Variants in SLC25A43 observed in about 807,000 individuals in gnomAD.
SLC25A43 encodes the protein solute carrier family 25, member 43.
A neutral mutation model predicts 22.8 loss-of-function variants in SLC25A43; 10 were observed. The observed-to-expected ratio is 0.44, with a 90% CI of 0.27 to 0.74. The LOEUF (loss-of-function observed/expected upper bound fraction) is 0.74, where lower values mean the gene tolerates loss of function less well. Ranked by LOEUF, SLC25A43 falls within the 30% of genes least tolerant of loss-of-function variation. The pLI is 0.17. For synonymous variants in SLC25A43, 106 were observed against 121.6 expected (o/e 0.87, Z 0.84); for missense variants, 233 against 279.1 (o/e 0.83, Z 1.18).
chrX:119,405,726 T>C (rs1033401532), intron 1 of SLC25A43, among the ~76,000 whole-genome samples: 1 of 109,674 alleles, frequency 9.1e-6, no homozygotes, highest in Non-Finnish European at 1.9e-5. Flanking sequence ...GCCCAGATCA[T>C]GCCACTGTAC....
Position 119,431,150 on chromosome X carries a change from T to C in SLC25A43, c.690+20788T>C, listed in dbSNP as rs1322743936. ...CTCACCAACTCCATTTTGTCATCCA[T>C]ATAATCAAGCTAATACGATAATACT... On this transcript the variant is annotated intron_variant, in intron 3 of 4. Transcript: ENST00000217909. Among the ~76,000 whole-genome samples, 4 of 112,192 alleles carry C rather than the reference T, an allele frequency of 3.6e-5. No individual in the cohort carries two copies. In the Admixed American group the frequency reaches 3.8e-4, roughly 11 times the overall value.
intron 1 of SLC25A43, among the ~76,000 whole-genome samples, chrX:119,403,946 C>T (rs1262509555): frequency 9.1e-6 from 1 of 109,616 alleles, no homozygotes; most frequent in Non-Finnish European, 1.9e-5. Flanking sequence ...AGGGCTTGGT[C>T]CCCAAGAATG....
intron 1 of SLC25A43, 132 bp downstream of exon 1, chrX:119,399,810 G>A: frequency 1.4e-6 from 1 of 714,253 alleles, no homozygotes. Flanking sequence ...GATCACCTGG[G>A]GACCCCTCGG....
intron 2 of SLC25A43, among the ~76,000 whole-genome samples, chrX:119,409,440 A>C (rs538638954): frequency 8.0e-4 from 87 of 108,166 alleles, no homozygotes; most frequent in Middle Eastern, 4.7e-3. Flanking sequence ...CCCTGACTTC[A>C]AGTGATCCGC....
At chrX:119,430,099 C>T (rs2052540105) in intron 3 of SLC25A43, among the ~76,000 whole-genome samples, 1 of 111,802 alleles carries the variant, frequency 8.9e-6, no homozygotes, top group Admixed American at 9.6e-5. Context: ...GGATAGTTGC[C>T]TGGGTTTGTG....
chrX:119,451,711 T>A, intron 3 of SLC25A43: 1 of 611,188 alleles, frequency 1.6e-6, no homozygotes, highest in Non-Finnish European at 2.2e-6. Context: ...GTTTATCATG[T>A]CCAGAAGGCA....
At chrX:119,407,891 C>A (rs1340489658) in intron 2 of SLC25A43, among the ~76,000 whole-genome samples, 2 of 110,767 alleles carry the variant, frequency 1.8e-5, no homozygotes, top group African/African-American at 6.6e-5. Context: ...ATCACCAAGT[C>A]CCGTCGATTT....
intron 1 of SLC25A43, among the ~76,000 whole-genome samples, chrX:119,404,924 G>A (rs1394399145): frequency 8.9e-6 from 1 of 112,343 alleles, no homozygotes; most frequent in Non-Finnish European, 1.9e-5. Context: ...CGGCCTGTGG[G>A]CTGTGGGTTG....
chrX:119,406,615 A>T lies in SLC25A43; in HGVS notation c.431A>T (p.Tyr144Phe). Residue 144 changes from tyrosine (Y) to phenylalanine (F), a missense_variant, in exon 2 of 5, where the codon TAC becomes TTC. Transcript: ENST00000217909. Reference protein sequence around the residue: ...LIMQNILEPSYRGLLHAFSTI... With the variant: ...LIMQNILEPSFRGLLHAFSTI... Reference sequence around the variant, plus strand: ...ATGCAGAACATACTGGAACCATCGTACAGGGGGCTCCTCCATGCTTTTTCT... The same window carrying T: ...ATGCAGAACATACTGGAACCATCGTTCAGGGGGCTCCTCCATGCTTTTTCT... 1 of 1,211,948 alleles carries T rather than the reference A, an allele frequency of 8.3e-7. No individual in the cohort carries two copies. Among genetic ancestry groups the T allele is most frequent in the Non-Finnish European group, 1.1e-6 (1 of 895,475 alleles).
intron 3 of SLC25A43, among the ~76,000 whole-genome samples, chrX:119,435,119 G>T (rs1425590080): frequency 9.0e-6 from 1 of 111,014 alleles, no homozygotes; most frequent in Non-Finnish European, 1.9e-5. Flanking sequence ...GATTACAGGC[G>T]TGAGCCACTG....
At chrX:119,433,499 G>A (rs968604737) in intron 3 of SLC25A43, among the ~76,000 whole-genome samples, 1 of 112,220 alleles carries the variant, frequency 8.9e-6, no homozygotes, top group African/African-American at 3.2e-5. Context: ...TCACAGGGTG[G>A]CAGTGGGAAA....
At chrX:119,409,123 T>A (rs749305713) in intron 2 of SLC25A43, among the ~76,000 whole-genome samples, 4 of 110,666 alleles carry the variant, frequency 3.6e-5, no homozygotes, top group African/African-American at 9.9e-5. Flanking sequence ...ATTTTGCTAT[T>A]CATCCCTCCA....
At chrX:119,442,208 G>GT (rs2052628499) in intron 3 of SLC25A43, among the ~76,000 whole-genome samples, 1 of 112,628 alleles carries the variant, frequency 8.9e-6, no homozygotes, top group Non-Finnish European at 1.9e-5. Flanking sequence ...GGCAGTGCAG[G>GT]TAAGAGTTCA....
At chrX:119,404,590 G>C (rs1232358098) in intron 1 of SLC25A43, among the ~76,000 whole-genome samples, 4 of 111,266 alleles carry the variant, frequency 3.6e-5, no homozygotes, top group African/African-American at 1.3e-4. Context: ...GGTTTTTATG[G>C]AAGATTTGTT....
At chrX:119,444,603 T>C (rs1217544011) in intron 3 of SLC25A43, among the ~76,000 whole-genome samples, 1 of 108,193 alleles carries the variant, frequency 9.2e-6, no homozygotes, top group African/African-American at 3.4e-5. Context: ...CTTGGGAGGC[T>C]GAGGCAGGAG....
intron 3 of SLC25A43, among the ~76,000 whole-genome samples, chrX:119,427,714 TTA>T (rs1376293441): frequency 8.9e-6 from 1 of 112,074 alleles, no homozygotes; most frequent in African/African-American, 3.2e-5. Context: ...ATTGGACAGC[TTA>T]GTCATCAGGT....
At chrX:119,417,413 G>A (rs147602022) in intron 3 of SLC25A43, among the ~76,000 whole-genome samples, 8,479 of 110,395 alleles carry the variant, frequency 0.077, 239 homozygotes, top group South Asian at 0.093. Flanking sequence ...GTGACAGAGC[G>A]AGACTCTGTC....
At chrX:119,422,639 C>CAAGTCCGTG (rs1391175382) in intron 3 of SLC25A43, among the ~76,000 whole-genome samples, 1 of 111,451 alleles carries the variant, frequency 9.0e-6, no homozygotes, top group African/African-American at 3.3e-5. Context: ...AGGTGAGTCC[C>CAAGTCCGTG]AAGTCCGTGT....
chrX:119,399,535 C>A lies in SLC25A43; in HGVS notation c.132C>A (p.Val44=). The A allele has an allele frequency of 9.2e-7, 1 of 1,084,573 alleles. No homozygotes were observed. The highest frequency in any genetic ancestry group is 1.2e-6 in the Non-Finnish European group (1 of 835,132). 89.4% of individuals were successfully genotyped at this position (1,084,573 alleles called of 1,213,427 possible). ...CCACCGTGCTGGCCCAGGTTGGCGTCGTGCGAGGCCACGCCCGGGGACCGT... is the reference window on the plus strand; with the variant it reads ...CCACCGTGCTGGCCCAGGTTGGCGTAGTGCGAGGCCACGCCCGGGGACCGT... The part of the protein sequence containing the change: ...ELATVLAQVG[V]VRGHARGPWA... The change falls in exon 1 of 5, where the codon GTC becomes GTA. Residue 44 remains valine, a synonymous_variant. Transcript: ENST00000217909.
Sources: allele counts gnomAD v4.1 joint callset (sites outside exome capture counted in the v4.1 genomes callset), GRCh38; gene constraint gnomAD v4.1.1; transcripts MANE v1.5; gene names NCBI Gene and HGNC (gene_info 2026-07-23, HGNC 2026-07-21).